SYNE1: variants seen among roughly 807,000 people sequenced by gnomAD.
SYNE1 encodes nesprin-1.
Under a neutral mutation model 1,111.0 loss-of-function variants are expected in SYNE1, and 616 were observed. The observed-to-expected ratio is 0.55, with a 90% CI of 0.52 to 0.59. SYNE1 has a LOEUF of 0.59. SYNE1 is among the 20% of genes least tolerant of loss of function. The pLI, the probability that SYNE1 is intolerant of heterozygous loss-of-function variation, is 0.00. For synonymous variants in SYNE1, 3,855 were observed against 3,825.8 expected, an observed-to-expected ratio of 1.01 and a Z score of -0.28; for missense variants, 10,006 against 10,417.0, an observed-to-expected ratio of 0.96 and a Z score of 1.72.
chr6:152,309,940 G>A lies in SYNE1; in HGVS notation c.17097C>T (p.Pro5699=), dbSNP rs769890058. Residue 5699 remains proline, a synonymous_variant, in exon 90 of 146, where the codon CCC becomes CCT. Transcript: ENST00000367255. ...VQLCQSALRI[P]EDVVASLPLC... ...GAGGTAAGCTGGCAACCACATCCTC[G>A]GGGATCCGGAGGGCACTCTGGCAGA... 15 of 1,613,992 alleles carry A rather than the reference G, an allele frequency of 9.3e-6. No individual in the cohort carries two copies. The highest frequency in any genetic ancestry group is 4.5e-5 in the East Asian group (2 of 44,896).
chr6:152,191,584 A>G (rs1328413158), intron 127 of SYNE1, among the ~76,000 whole-genome samples: 1 of 152,188 alleles, frequency 6.6e-6, no homozygotes, highest in Admixed American at 6.5e-5. Context: ...AAAAGCCGCT[A>G]AAGATCCTTT....
At chr6:152,336,428 T>A (rs2096390954) in intron 76 of SYNE1, 1 of 217,358 alleles carries the variant, frequency 4.6e-6, no homozygotes, top group African/African-American at 2.3e-5. Context: ...GGAAAACAAT[T>A]TTTCCGTGAA....
At chr6:152,494,392 G>C (rs887688986) in intron 11 of SYNE1, among the ~76,000 whole-genome samples, 2 of 152,058 alleles carry the variant, frequency 1.3e-5, no homozygotes, top group African/African-American at 4.8e-5. Flanking sequence ...TGATCCACCT[G>C]GCATTCACTC....
Position 152,221,063 on chromosome 6 carries a change from A to G in SYNE1, c.21657-17T>C. On this transcript the variant is annotated splice_polypyrimidine_tract_variant and intron_variant, in intron 118 of 145. Transcript: ENST00000367255. ...TTATTCCATCTGGAAATAATAACCAACACTCATGAGCAGATTACCACCTCT... is the reference window on the plus strand; with the variant it reads ...TTATTCCATCTGGAAATAATAACCAGCACTCATGAGCAGATTACCACCTCT... The G allele has an allele frequency of 6.2e-7, 1 of 1,613,670 alleles. No individual in the cohort carries two copies.
rs141564739 is a variant in SYNE1, at chr6:152,443,504, T to G, written c.3837+907A>C. ...TGGTCTCGATCTGCTGACCTCGTGA[T>G]GCGCCCGCCTCGGCCTCCCAAAGTG... On this transcript the variant is annotated intron_variant, in intron 30 of 145. Transcript: ENST00000367255. Among the ~76,000 whole-genome samples the G allele has an allele frequency of 4.8e-3, 729 of 152,312 alleles. 9 individuals are homozygous for G. Among genetic ancestry groups the G allele is most frequent in the African/African-American group, 0.016 (677 of 41,574 alleles).
At chr6:152,228,151 T>C (rs2082018748) in intron 115 of SYNE1, among the ~76,000 whole-genome samples, 1 of 152,238 alleles carries the variant, frequency 6.6e-6, no homozygotes, top group Non-Finnish European at 1.5e-5. Context: ...AAAATGACAG[T>C]TGTATCAAGA....
chr6:152,538,857 T>C (rs2099256478), intron 4 of SYNE1, among the ~76,000 whole-genome samples: 1 of 152,082 alleles, frequency 6.6e-6, no homozygotes, highest in Admixed American at 6.6e-5. Flanking sequence ...TTATCCTATA[T>C]CTAGACAGGT....
Position 152,339,221 on chromosome 6 carries a change from GT to G in SYNE1, c.12351+19del, listed in dbSNP as rs767014983. 6.2e-7 allele frequency: 1 copy of G among 1,612,342 alleles called. No homozygotes were observed. The highest frequency in any genetic ancestry group is 1.1e-5 in the South Asian group (1 of 90,980). ...ATATAATAAAACAAACAAATTCAAT[GT>G]GATTTTTCATTTTCTTACCGTTTGC... On this transcript the variant is annotated intron_variant, in intron 75 of 145. Coordinates refer to ENST00000367255, the MANE Select transcript of SYNE1 (RefSeq NM_182961.4).
intron 145 of SYNE1, among the ~76,000 whole-genome samples, chr6:152,122,901 G>C (rs536614114): frequency 6.6e-6 from 1 of 152,162 alleles, no homozygotes; most frequent in African/African-American, 2.4e-5. Flanking sequence ...TCAACTAAAC[G>C]TAAGTAATTA....
intron 137 of SYNE1, chr6:152,147,502 C>T (rs1168639781): frequency 6.5e-6 from 1 of 153,280 alleles, no homozygotes; most frequent in Non-Finnish European, 1.5e-5. Context: ...TTGTCCATTC[C>T]ATGCCTGTCA....
chr6:152,314,783 T>A lies in SYNE1; in HGVS notation c.16710+2066A>T, dbSNP rs187776915. ...CTGGCCAGCATGGCGAAACCCCATC[T>A]CTACTAAAAATGCAACAATTAGCCA... is the stretch of plus-strand genomic sequence containing the variant. On this transcript the variant is annotated intron_variant, in intron 87 of 145. Coordinates refer to ENST00000367255, the MANE Select transcript of SYNE1 (RefSeq NM_182961.4). Among the ~76,000 whole-genome samples the A allele has an allele frequency of 7.4e-4, 113 of 151,724 alleles. 2 individuals carry two copies. The highest frequency in any genetic ancestry group is 1.0e-4 in the Non-Finnish European group (7 of 67,834).
Position 152,381,310 on chromosome 6 carries a change from G to A in SYNE1, c.8705C>T (p.Ser2902Leu), listed in dbSNP as rs576979843. Residue 2902 changes from serine (S) to leucine (L), a missense_variant, in exon 56 of 146, where the codon TCG becomes TTG. Around this residue, in one of 7 missense-constraint regions of SYNE1, gnomAD observed 4,955 missense variants for 5,017.2 expected, o/e 0.99. Transcript: ENST00000367255. ...GTTCTGTTTCACTTCGGGAGCCAGCGACTCCACTCTGCTGAGACGGCTTGC... is the reference window on the plus strand; with the variant it reads ...GTTCTGTTTCACTTCGGGAGCCAGCAACTCCACTCTGCTGAGACGGCTTGC... ...IGASRLSRVE[S>L]LAPEVKQNTT... 3.0e-5 allele frequency: 49 copies of A among 1,614,078 alleles called. No individual in the cohort carries two copies. In the East Asian group the frequency reaches 8.5e-4, roughly 28 times the overall value.
At chr6:152,139,786 G>A (rs1294739537) in intron 140 of SYNE1, among the ~76,000 whole-genome samples, 164 bp downstream of exon 140, 1 of 137,546 alleles carries the variant, frequency 7.3e-6, no homozygotes, top group African/African-American at 2.8e-5. Context: ...GTGGAATACA[G>A]GAATTTGGGA....
In SYNE1 at chr6:152,629,316, T is replaced by C. The variant is rs368297794; in HGVS notation, c.-223-762A>G. Among the ~76,000 whole-genome samples the C allele has an allele frequency of 3.2e-4, 49 of 151,992 alleles. No homozygotes were observed. In the Middle Eastern group the frequency reaches 0.014, roughly 42 times the overall value. On this transcript the variant is annotated intron_variant, in intron 2 of 145. Transcript: ENST00000367255. The stretch of plus-strand genomic sequence containing the variant: ...ACTTCCCGGGTTCAAGCAATTCTCA[T>C]GCCTCAGCCTCCTAAGTAGCTGGGA...
At chr6:152,335,223 T>C (rs2096357045) in intron 76 of SYNE1, 1 of 152,208 alleles carries the variant, frequency 6.6e-6, no homozygotes, top group African/African-American at 2.4e-5. Context: ...GACTGATATA[T>C]GAAATTTTGT....
intron 70 of SYNE1, among the ~76,000 whole-genome samples, 168 bp from the exon 71 acceptor site, chr6:152,350,938 T>A (rs12211794): frequency 6.6e-6 from 1 of 152,010 alleles, no homozygotes; most frequent in African/African-American, 2.4e-5. Flanking sequence ...TTAAGACGAA[T>A]ACAGTTTCTA....
Position 152,130,704 on chromosome 6 carries a change from CAGG to C in SYNE1, c.26153+13_26153+15del, listed in dbSNP as rs2055323996. The C allele has an allele frequency of 6.2e-7, 1 of 1,613,930 alleles. No individual in the cohort carries two copies. Among genetic ancestry groups the C allele is most frequent in the African/African-American group, 1.3e-5 (1 of 75,000 alleles). On this transcript the variant is annotated intron_variant, in intron 145 of 145. Coordinates refer to ENST00000367255, the MANE Select transcript of SYNE1 (RefSeq NM_182961.4). ...TGGGGTTCTAGAACAGTGTGGAAACCAGGAGAAGGAGGTACCTGCTATGTGGAC... is the reference window on the plus strand; with the variant it reads ...TGGGGTTCTAGAACAGTGTGGAAACCAGAAGGAGGTACCTGCTATGTGGAC...
chr6:152,451,275 G>GAA, intron 25 of SYNE1, 70 bp from the exon 26 acceptor site: 1 of 1,466,128 alleles, frequency 6.8e-7, no homozygotes, highest in Admixed American at 1.9e-5. Context: ...AATTGAAGTG[G>GAA]CAAAAAAAAA....
intron 4 of SYNE1, among the ~76,000 whole-genome samples, chr6:152,534,191 AATGAATGAATG>A (rs1174584890): frequency 1.3e-5 from 2 of 148,990 alleles, no homozygotes; most frequent in Non-Finnish European, 3.0e-5. Flanking sequence ...TGAATGAATG[AATGAATGAATG>A]AATAAATAAA....
Sources: gnomAD v4.1 joint callset for allele counts (sites outside exome capture counted in the v4.1 genomes callset) on GRCh38, gnomAD v4.1.1 for gene constraint, gnomAD v4.1.1 regional missense constraint, MANE v1.5 for transcripts, NCBI Gene and HGNC (gene_info 2026-07-23, HGNC 2026-07-21) for gene names.